Variants in ELOVL7 observed in about 807,000 individuals in gnomAD.
The protein encoded by ELOVL7 is very long chain fatty acid elongase 7.
Under a neutral mutation model 35.7 loss-of-function variants are expected in ELOVL7, and 27 were observed. The observed-to-expected ratio is 0.76, with a 90% CI of 0.56 to 1.04. The LOEUF is 1.04. Among genes scored for constraint, ELOVL7 ranks in the 50% least tolerant of loss-of-function variants. The probability of loss-of-function intolerance (pLI) is 0.00; values close to 1 mark genes in which losing one functional copy is unlikely to be tolerated. For synonymous variants in ELOVL7, 113 were observed against 114.6 expected (o/e 0.99, Z 0.09); for missense variants, 327 against 340.8 (o/e 0.96, Z 0.32).
chr5:60,804,354 A>T (rs1363824769), intron 1 of ELOVL7, among the ~76,000 whole-genome samples: 1 of 152,176 alleles, frequency 6.6e-6, no homozygotes. Context: ...AAACTTAGAA[A>T]AGAGTCAGAG....
chr5:60,832,086 C>T (rs915706541), intron 1 of ELOVL7, among the ~76,000 whole-genome samples: 3 of 152,126 alleles, frequency 2.0e-5, no homozygotes, highest in South Asian at 2.1e-4. Context: ...TCTAAGGCAA[C>T]GTGTAGTAAG....
chr5:60,837,401 G>A (rs1746891017), intron 1 of ELOVL7, among the ~76,000 whole-genome samples: 1 of 151,312 alleles, frequency 6.6e-6, no homozygotes, highest in South Asian at 2.1e-4. Flanking sequence ...AGGTTGCAGT[G>A]AGCCAAGATC....
At chr5:60,838,148 G>T (rs1746942403) in intron 1 of ELOVL7, among the ~76,000 whole-genome samples, 1 of 152,058 alleles carries the variant, frequency 6.6e-6, no homozygotes, top group African/African-American at 2.4e-5. Context: ...AACCTTTATG[G>T]GGTCAAAAAA....
chr5:60,775,277 G>A (rs1449305507), intron 3 of ELOVL7, among the ~76,000 whole-genome samples: 1 of 152,006 alleles, frequency 6.6e-6, no homozygotes, highest in Non-Finnish European at 1.5e-5. Flanking sequence ...ATCTAACCAA[G>A]GAAGTAAAAG....
At chr5:60,777,610 A>G (rs1476315795) in intron 3 of ELOVL7, among the ~76,000 whole-genome samples, 1 of 152,182 alleles carries the variant, frequency 6.6e-6, no homozygotes, top group African/African-American at 2.4e-5. Context: ...GAGGGTTGCC[A>G]TCACATAAAT....
intron 1 of ELOVL7, among the ~76,000 whole-genome samples, chr5:60,829,701 G>A (rs1203379392): frequency 6.6e-6 from 1 of 152,152 alleles, no homozygotes; most frequent in African/African-American, 2.4e-5. Flanking sequence ...TTCTGGCAAG[G>A]CAGACATATT....
At chr5:60,781,385 G>A (rs529960532) in intron 3 of ELOVL7, among the ~76,000 whole-genome samples, 67 of 152,124 alleles carry the variant, frequency 4.4e-4, no homozygotes, top group South Asian at 1.7e-3. Context: ...GGTTAGAAAC[G>A]AGCTTAAATG....
At position 60,754,580 on chromosome 5, in the gene ELOVL7, A is replaced by C; in HGVS notation, c.*44T>G. On this transcript the variant is annotated 3_prime_UTR_variant, in exon 9 of 9. Coordinates refer to ENST00000508821, the MANE Select transcript of ELOVL7 (RefSeq NM_024930.3). ...ATAGGTAAATATCTCTTGATTGTCA[A>C]GGAAGACAATGTATCAGTTTCGATC... 6.6e-7 allele frequency: 1 copy of C among 1,525,004 alleles called. No homozygotes were observed. Among genetic ancestry groups the C allele is most frequent in the African/African-American group, 1.4e-5 (1 of 73,194 alleles). 94.5% of individuals were successfully genotyped at this position (1,525,004 alleles called of 1,614,324 possible).
At chr5:60,762,791 G>A (rs1046462764) in intron 7 of ELOVL7, among the ~76,000 whole-genome samples, 1 of 152,156 alleles carries the variant, frequency 6.6e-6, no homozygotes, top group African/African-American at 2.4e-5. Context: ...AAATCTTTGT[G>A]TATAGGATCC....
intron 1 of ELOVL7, among the ~76,000 whole-genome samples, chr5:60,807,240 G>C (rs1744983102): frequency 1.3e-5 from 2 of 152,072 alleles, no homozygotes; most frequent in African/African-American, 4.8e-5. Context: ...CTGGTGAACA[G>C]ATAAAAATGC....
intron 1 of ELOVL7, among the ~76,000 whole-genome samples, chr5:60,838,159 T>C (rs953169477): frequency 6.6e-6 from 1 of 152,290 alleles, no homozygotes; most frequent in South Asian, 2.1e-4. Flanking sequence ...GGTCAAAAAA[T>C]GCTCTCAGTA....
intron 1 of ELOVL7, among the ~76,000 whole-genome samples, chr5:60,820,979 G>A (rs781176060): frequency 6.6e-6 from 1 of 152,006 alleles, no homozygotes; most frequent in Non-Finnish European, 1.5e-5. Flanking sequence ...TCTGTTTTTA[G>A]TATGCTGTAG....
chr5:60,806,500 T>A (rs1744932867), intron 1 of ELOVL7, among the ~76,000 whole-genome samples: 1 of 150,908 alleles, frequency 6.6e-6, no homozygotes. Flanking sequence ...TGTTTAGGAA[T>A]CAGGAAGAGC....
chr5:60,789,671 C>T (rs1743808032), intron 2 of ELOVL7, among the ~76,000 whole-genome samples: 4 of 152,176 alleles, frequency 2.6e-5, no homozygotes. Flanking sequence ...CAAGTTTATT[C>T]ATTGCATCAG....
chr5:60,789,580 T>G (rs1743801638), intron 2 of ELOVL7, among the ~76,000 whole-genome samples: 1 of 152,202 alleles, frequency 6.6e-6, no homozygotes, highest in Non-Finnish European at 1.5e-5. Context: ...AAATTATAAA[T>G]GCATACTTTT....
At chr5:60,788,875 A>C (rs1226571887) in intron 2 of ELOVL7, among the ~76,000 whole-genome samples, 1 of 152,200 alleles carries the variant, frequency 6.6e-6, no homozygotes, top group African/African-American at 2.4e-5. Flanking sequence ...TACTTACGTA[A>C]GTATAGGTAA....
intron 2 of ELOVL7, among the ~76,000 whole-genome samples, chr5:60,788,792 TA>T (rs201784434): frequency 1.0e-4 from 15 of 147,266 alleles, no homozygotes; most frequent in East Asian, 3.9e-4. Context: ...GACTTGGTCT[TA>T]AAAAAAAAAA....
chr5:60,795,964 C>G (rs1453755615), intron 2 of ELOVL7, among the ~76,000 whole-genome samples: 1 of 152,156 alleles, frequency 6.6e-6, no homozygotes, highest in Admixed American at 6.5e-5. Context: ...CCGCCACCAT[C>G]TTGGGAGCTC....
At chr5:60,808,340 G>A (rs1745063572) in intron 1 of ELOVL7, among the ~76,000 whole-genome samples, 1 of 152,168 alleles carries the variant, frequency 6.6e-6, no homozygotes, top group African/African-American at 2.4e-5. Context: ...TAGACAGACT[G>A]AGAAAACAAG....
Sources: allele counts gnomAD v4.1 joint callset (sites outside exome capture counted in the v4.1 genomes callset), GRCh38; gene constraint gnomAD v4.1.1; transcripts MANE v1.5; gene names NCBI Gene and HGNC (gene_info 2026-07-23, HGNC 2026-07-21).